CDK13: variants seen among roughly 807,000 people sequenced by gnomAD.
The protein encoded by CDK13 is cyclin dependent kinase 13.
Under a neutral mutation model 137.6 loss-of-function variants are expected in CDK13, and 40 were observed. The ratio of observed to expected loss-of-function variants is 0.29; its 90% CI spans 0.23 to 0.38. The LOEUF is 0.38. Ranked by LOEUF, CDK13 falls within the 10% of genes least tolerant of loss-of-function variation. The probability of loss-of-function intolerance (pLI) is 1.00; values close to 1 mark genes in which losing one functional copy is unlikely to be tolerated. For synonymous variants in CDK13, 869 were observed against 760.1 expected (o/e 1.14, Z -2.36); for missense variants, 1,704 against 1,951.8 (o/e 0.87, Z 2.39).
chr7:39,963,696 T>C (rs1783802912), intron 1 of CDK13, among the ~76,000 whole-genome samples: 1 of 152,216 alleles, frequency 6.6e-6, no homozygotes, highest in East Asian at 1.9e-4. Flanking sequence ...CATCCCTGTC[T>C]TGTGCCAGTT....
chr7:40,057,243 A>C (rs1446470570), intron 7 of CDK13, among the ~76,000 whole-genome samples: 3 of 152,220 alleles, frequency 2.0e-5, no homozygotes, highest in African/African-American at 4.8e-5. Flanking sequence ...TGACAAGAGC[A>C]AAACTGTCTC....
intron 5 of CDK13, among the ~76,000 whole-genome samples, chr7:40,029,563 T>C (rs1207791393): frequency 2.0e-5 from 3 of 150,416 alleles, no homozygotes; most frequent in Non-Finnish European, 4.4e-5. Context: ...CTACTAAAAA[T>C]ACAAAAATTA....
chr7:40,078,469 G>A (rs947486433), intron 10 of CDK13: 4 of 266,298 alleles, frequency 1.5e-5, no homozygotes, highest in African/African-American at 2.2e-5. Flanking sequence ...GCAAATTACC[G>A]ATAAGTAACA....
chr7:40,005,497 A>C (rs893898938), intron 5 of CDK13, among the ~76,000 whole-genome samples: 1 of 151,996 alleles, frequency 6.6e-6, no homozygotes. Flanking sequence ...GGGTTTCGCT[A>C]TGTTGGCCAG....
At chr7:39,982,772 A>G (rs1214908912) in intron 1 of CDK13, among the ~76,000 whole-genome samples, 2 of 152,148 alleles carry the variant, frequency 1.3e-5, no homozygotes, top group East Asian at 3.8e-4. Flanking sequence ...GCCAGTGATG[A>G]TGAGCATTTT....
intron 1 of CDK13, among the ~76,000 whole-genome samples, chr7:39,961,019 T>C (rs1258202354): frequency 7.1e-6 from 1 of 140,128 alleles, no homozygotes; most frequent in Non-Finnish European, 1.5e-5. Flanking sequence ...TTAAAATAAT[T>C]TTTTTTTTAA....
At chr7:39,967,314 A>G (rs562802563) in intron 1 of CDK13, among the ~76,000 whole-genome samples, 2 of 152,184 alleles carry the variant, frequency 1.3e-5, no homozygotes, top group South Asian at 4.2e-4. Flanking sequence ...GTAGTTCCAG[A>G]TACTTGTGAG....
Position 40,094,451 on chromosome 7 carries a change from A to T in CDK13, c.4010A>T (p.Asp1337Val). 6.2e-7 allele frequency: 1 copy of T among 1,613,946 alleles called. No homozygotes were observed. The highest frequency in any genetic ancestry group is 2.2e-5 in the East Asian group (1 of 44,866). Residue 1337 changes from aspartate to valine, a missense_variant, in exon 14 of 14, where the codon GAC becomes GTC. This residue lies in a region of CDK13 where 475 missense variants were observed against 579.3 expected (regional missense o/e 0.82). Coordinates refer to ENST00000181839, the MANE Select transcript of CDK13 (RefSeq NM_003718.5). ...TACGTGTCCACTTCAGACTACAAGG[A>T]CAACTTTGGATCCTCTTCTTTCTCT... The part of the protein sequence containing the change: ...DTYVSTSDYK[D>V]NFGSSSFSSA...
At chr7:39,955,993 T>A (rs1413964561) in intron 1 of CDK13, among the ~76,000 whole-genome samples, 1 of 151,886 alleles carries the variant, frequency 6.6e-6, no homozygotes, top group Non-Finnish European at 1.5e-5. Flanking sequence ...TAAATATAAA[T>A]AAGAAAAATT....
rs1036607511 is a variant in CDK13, at chr7:40,075,640, C to T, written c.2781-2365C>T. The stretch of plus-strand genomic sequence containing the variant: ...AGATTCCTAAGCAATGTAATTTGAC[C>T]GATGTCAGACAAGAGTCAAATATAA... On this transcript the variant is annotated intron_variant, in intron 9 of 13. Coordinates refer to ENST00000181839, the MANE Select transcript of CDK13 (RefSeq NM_003718.5). Among the ~76,000 whole-genome samples the T allele has an allele frequency of 3.3e-5, 5 of 151,974 alleles. No homozygotes were observed. In the East Asian group the frequency reaches 7.7e-4, roughly 23 times the overall value.
intron 1 of CDK13, among the ~76,000 whole-genome samples, chr7:39,960,014 A>G (rs1314457494): frequency 6.6e-6 from 1 of 151,120 alleles, no homozygotes; most frequent in Non-Finnish European, 1.5e-5. Context: ...CTAGTGTCAA[A>G]CTTTAGTAGT....
intron 9 of CDK13, among the ~76,000 whole-genome samples, chr7:40,077,253 C>T (rs914424341): frequency 2.6e-5 from 4 of 152,128 alleles, no homozygotes; most frequent in African/African-American, 9.7e-5. Flanking sequence ...ACTACAGTTA[C>T]CTTCCTGAGG....
intron 9 of CDK13, among the ~76,000 whole-genome samples, chr7:40,064,284 CA>C (rs1388646828): frequency 0.033 from 1,993 of 59,752 alleles, 29 homozygotes; most frequent in East Asian, 0.074. Flanking sequence ...AATTATGTCT[CA>C]AAAAAAAAAA....
intron 5 of CDK13, among the ~76,000 whole-genome samples, chr7:40,017,401 A>G (rs528237930): frequency 1.3e-5 from 2 of 152,208 alleles, no homozygotes; most frequent in Admixed American, 6.5e-5. Flanking sequence ...AGTTTATTCA[A>G]TTTTTTTACA....
intron 5 of CDK13, among the ~76,000 whole-genome samples, chr7:40,031,677 G>A (rs999307765): frequency 4.6e-5 from 7 of 151,590 alleles, no homozygotes; most frequent in African/African-American, 7.3e-5. Context: ...ACAGGATCTC[G>A]CTCTGTCATC....
chr7:40,019,393 T>C (rs10225492), intron 5 of CDK13, among the ~76,000 whole-genome samples: 40,685 of 152,150 alleles, frequency 0.27, 6,575 homozygotes, highest in Middle Eastern at 0.45. Context: ...TATTTACATA[T>C]GTGTAGAGAG....
intron 1 of CDK13, among the ~76,000 whole-genome samples, chr7:39,972,688 G>C (rs1227248294): frequency 3.3e-5 from 5 of 152,216 alleles, no homozygotes; most frequent in Middle Eastern, 3.4e-3. Flanking sequence ...CCATTGTATG[G>C]TTATGCCACA....
chr7:40,038,116 G>A (rs969134200), intron 5 of CDK13, among the ~76,000 whole-genome samples: 1 of 151,546 alleles, frequency 6.6e-6, no homozygotes, highest in Non-Finnish European at 1.5e-5. Flanking sequence ...TCTTTTTCTT[G>A]TTCTCTCCCT....
rs1384028380 is a variant in CDK13, at chr7:40,094,661, A to G, written c.4220A>G (p.Tyr1407Cys). The G allele has an allele frequency of 6.2e-7, 1 of 1,614,072 alleles. No individual in the cohort carries two copies. Among genetic ancestry groups the G allele is most frequent in the Admixed American group, 1.7e-5 (1 of 59,998 alleles). Residue 1407 changes from tyrosine (Y) to cysteine (C), a missense_variant, in exon 14 of 14, where the codon TAT becomes TGT. Transcript: ENST00000181839. ...TCATTTCCCAGTTCAGTAGCTGGAT[A>G]TGGAGACATTTACCTCAATGCTGGT... ...SESFPSSVAG[Y>C]GDIYLNAGPM...
Sources: gnomAD v4.1 joint callset for allele counts (sites outside exome capture counted in the v4.1 genomes callset) on GRCh38, gnomAD v4.1.1 for gene constraint, gnomAD v4.1.1 regional missense constraint, MANE v1.5 for transcripts, NCBI Gene and HGNC (gene_info 2026-07-23, HGNC 2026-07-21) for gene names.